Variants in AGRN observed in about 807,000 individuals in gnomAD.
AGRN encodes agrin proteoglycan.
A neutral mutation model predicts 211.0 loss-of-function variants in AGRN; 106 were observed. That is an observed-to-expected ratio of 0.50 (90% CI 0.43 to 0.59). AGRN has a LOEUF of 0.59. Ranked by LOEUF, AGRN falls within the 20% of genes least tolerant of loss-of-function variation. AGRN has a pLI of 0.00. For missense variants in AGRN, 3,040 were observed against 2,982.6 expected, an observed-to-expected ratio of 1.02 and a Z score of -0.45; for synonymous variants, 1,525 against 1,332.5, an observed-to-expected ratio of 1.14 and a Z score of -3.15.
intron 2 of AGRN, 88 bp downstream of exon 2, chr1:1,022,550 C>G: frequency 1.4e-6 from 2 of 1,459,590 alleles, no homozygotes; most frequent in Non-Finnish European, 1.9e-6. Context: ...GTGCGGGGTC[C>G]TTTCGTGCTG....
intron 2 of AGRN, among the ~76,000 whole-genome samples, chr1:1,023,623 G>C (rs1018703616): frequency 2.0e-5 from 3 of 152,190 alleles, no homozygotes; most frequent in Non-Finnish European, 4.4e-5. Flanking sequence ...AGAGGTTCCT[G>C]TCCCTGCAAG....
chr1:1,022,794 C>T (rs1417772678), intron 2 of AGRN, among the ~76,000 whole-genome samples: 2 of 152,378 alleles, frequency 1.3e-5, no homozygotes, highest in South Asian at 4.1e-4. Context: ...TGAATGTCCC[C>T]AGCTGTTCAA....
chr1:1,050,356 G>T (rs757734209), intron 28 of AGRN, 27 bp downstream of exon 28: 4 of 1,612,760 alleles, frequency 2.5e-6, no homozygotes, highest in Non-Finnish European at 3.4e-6. Context: ...CAGGGGGAAG[G>T]GCCGGCCCCC....
intron 30 of AGRN, 111 bp from the exon 31 acceptor site, chr1:1,051,142 C>A: frequency 7.2e-7 from 1 of 1,392,018 alleles, no homozygotes; most frequent in Non-Finnish European, 9.9e-7. Flanking sequence ...GTGATTAACG[C>A]TGCCCCCTAG....
In AGRN at chr1:1,051,119, C is replaced by T. The variant is rs1292261712; in HGVS notation, c.5254-134C>T. The T allele has an allele frequency of 7.8e-6, 12 of 1,532,656 alleles. No individual in the cohort carries two copies. In the East Asian group the frequency reaches 2.2e-4, roughly 28 times the overall value. 94.9% of individuals were successfully genotyped at this position (1,532,656 alleles called of 1,614,324 possible). A position where few individuals can be genotyped will look rare whatever the true frequency, so the allele number is the denominator to read the frequency against. ...GGTAGCTCCTCCCCCACTAAGGACC[C>T]TGCCATTTCTGTGTGATTAACGCTG... On this transcript the variant is annotated intron_variant, in intron 30 of 35. Coordinates refer to ENST00000379370, the MANE Select transcript of AGRN (RefSeq NM_198576.4).
intron 22 of AGRN, 56 bp from the exon 23 acceptor site, chr1:1,047,956 C>G: frequency 6.3e-7 from 1 of 1,578,044 alleles, no homozygotes; most frequent in Non-Finnish European, 8.6e-7. Context: ...GCCCCTGCCC[C>G]TCACCCCTTC....
chr1:1,051,328 G>A lies in AGRN; in HGVS notation c.5329G>A (p.Ala1777Thr), dbSNP rs750714327. 6.4e-7 allele frequency: 1 copy of A among 1,568,658 alleles called. No homozygotes were observed. Among genetic ancestry groups the A allele is most frequent in the Non-Finnish European group, 8.6e-7 (1 of 1,157,594 alleles). ...TCCCGACTTCAGCAAGCTGGCCCGT[G>A]CTGCTGCCGTGTCCTCTGGCTTCGA... The part of the protein sequence containing the change: ...GAPDFSKLAR[A>T]AAVSSGFDGA... Residue 1777 changes from alanine to threonine, a missense_variant, in exon 31 of 36, where the codon GCT becomes ACT. Around this residue, in one of 3 missense-constraint regions of AGRN, gnomAD observed 1,537 missense variants for 1,505.0 expected, o/e 1.02. Transcript: ENST00000379370.
rs369198471 is a variant in AGRN, at chr1:1,045,755, C to T, written c.2559C>T (p.Gly853=). ...AAGCCTGCAGCTGTGATCCCCAAGG[C>T]GCCGTGCGGGATGACTGTGAGCAGA... ...GCTPCSCDPQ[G]AVRDDCEQMT... Residue 853 remains glycine, a synonymous_variant, in exon 15 of 36, where the codon GGC becomes GGT. Coordinates refer to ENST00000379370, the MANE Select transcript of AGRN (RefSeq NM_198576.4). The T allele has an allele frequency of 6.2e-5, 100 of 1,613,314 alleles. No individual in the cohort carries two copies. The highest frequency in any genetic ancestry group is 1.6e-4 in the Middle Eastern group (1 of 6,084).
At chr1:1,030,141 GCA>G (rs1644627795) in intron 2 of AGRN, among the ~76,000 whole-genome samples, 1 of 43,474 alleles carries the variant, frequency 2.3e-5, no homozygotes, top group African/African-American at 8.5e-5. Context: ...TGTGAGATCA[GCA>G]TGTGTGTGTG....
rs1286541150 is a variant in AGRN at position 1,040,818 on chromosome 1, A to G, written c.665A>G (p.Glu222Gly). 1.3e-6 allele frequency: 2 copies of G among 1,537,044 alleles called. No individual in the cohort carries two copies. The highest frequency in any genetic ancestry group is 1.7e-6 in the Non-Finnish European group (2 of 1,147,590). Residue 222 changes from glutamate (E) to glycine (G), a missense_variant, in exon 4 of 36, where the codon GAG becomes GGG. By Grantham distance (98) the Glu-to-Gly change is moderately conservative. Transcript: ENST00000379370. Reference protein sequence around the residue: ...SDASTYSNECELQRAQCSQQR... With the variant: ...SDASTYSNECGLQRAQCSQQR... ...GCCTCCACCTACAGCAACGAATGCG[A>G]GCTGCAGCGGGCGCAGTGCAGCCAG...
Position 1,055,061 on chromosome 1 carries a change from C to T in AGRN, c.*80C>T, listed in dbSNP as rs1645418087. 1.3e-6 allele frequency: 2 copies of T among 1,531,286 alleles called. No homozygotes were observed. The highest frequency in any genetic ancestry group is 1.8e-6 in the Non-Finnish European group (2 of 1,142,418). 94.9% of individuals were successfully genotyped at this position (1,531,286 alleles called of 1,614,324 possible). A position where few individuals can be genotyped will look rare whatever the true frequency, so the allele number is the denominator to read the frequency against. On this transcript the variant is annotated 3_prime_UTR_variant, in exon 36 of 36. Transcript: ENST00000379370. Reference sequence around the variant, plus strand: ...TTGCTTTTTGATATGATTTTCTTGCCTGAGTGTTGGCCGGAGGGACTGCTG... The same window carrying T: ...TTGCTTTTTGATATGATTTTCTTGCTTGAGTGTTGGCCGGAGGGACTGCTG...
rs1644695152 is a variant in AGRN, at chr1:1,032,509, C to A, written c.464-2768C>A. Among the ~76,000 whole-genome samples the A allele has an allele frequency of 6.6e-6, 1 of 152,086 alleles. No individual in the cohort carries two copies. Among genetic ancestry groups the A allele is most frequent in the South Asian group, 2.1e-4 (1 of 4,826 alleles). On this transcript the variant is annotated intron_variant, in intron 2 of 35. Transcript: ENST00000379370. The surrounding 1 kb of genome is among the most constrained non-coding windows in gnomAD (Gnocchi z 4.7). ...GGGGTTGAGGGGCCCAGACACCCGGCTGGGGGACTCCAGGAAGGCAGCAGG... is the reference window on the plus strand; with the variant it reads ...GGGGTTGAGGGGCCCAGACACCCGGATGGGGGACTCCAGGAAGGCAGCAGG...
intron 33 of AGRN, chr1:1,053,430 T>C: frequency 7.1e-7 from 1 of 1,413,964 alleles, no homozygotes; most frequent in South Asian, 1.2e-5. Flanking sequence ...TGTCCCCTGC[T>C]CACCCGCCTC....
At position 1,048,122 on chromosome 1, in the gene AGRN, GC is replaced by G; in HGVS notation, c.3866del (p.Pro1289ArgfsTer138). On this transcript the variant is annotated frameshift_variant, in exon 23 of 36. Coordinates refer to ENST00000379370, the MANE Select transcript of AGRN (RefSeq NM_198576.4). LOFTEE classifies it high-confidence loss of function. This position sits in a 1 kb window ranked among gnomAD's most constrained non-coding sequence, Gnocchi z 5.9. ...RLPSSAVTPR[A>X]PHPSHTSQPV... Reference sequence around the variant, plus strand: ...GCCGTCCTCTGCTGTGACCCCTCGGGCCCCGCACCCCAGTCACACAAGCCAG... The same window carrying G: ...GCCGTCCTCTGCTGTGACCCCTCGGGCCCGCACCCCAGTCACACAAGCCAG... 1 of 1,568,912 alleles carries G rather than the reference GC, an allele frequency of 6.4e-7. No homozygotes were observed. The highest frequency in any genetic ancestry group is 8.6e-7 in the Non-Finnish European group (1 of 1,165,070).
chr1:1,043,145 C>T (rs1644991048), intron 7 of AGRN, 94 bp from the exon 8 acceptor site: 3 of 1,368,928 alleles, frequency 2.2e-6, no homozygotes, highest in African/African-American at 1.4e-5. Context: ...CCACCATCCC[C>T]TCCCTGGAAG....
chr1:1,033,438 G>C (rs945080396), intron 2 of AGRN, among the ~76,000 whole-genome samples: 1 of 151,376 alleles, frequency 6.6e-6, no homozygotes, highest in Non-Finnish European at 1.5e-5. Flanking sequence ...ACCCCCGCGG[G>C]TGCGGGGCGC....
Position 1,056,085 on chromosome 1 carries a change from T to C in AGRN, c.*1104T>C, listed in dbSNP as rs1645442711. The C allele has an allele frequency of 6.6e-6, 1 of 152,348 alleles. No individual in the cohort carries two copies. The highest frequency in any genetic ancestry group is 2.4e-5 in the African/African-American group (1 of 41,470). The allele number at this position is 152,348 out of a possible 1,614,324, so 9.4% of individuals were successfully genotyped here. A position where few individuals can be genotyped will look rare whatever the true frequency, so the allele number is the denominator to read the frequency against. On this transcript the variant is annotated 3_prime_UTR_variant, in exon 36 of 36. Coordinates refer to ENST00000379370, the MANE Select transcript of AGRN (RefSeq NM_198576.4). ...TAACTCTAGTATGTTTCTGTGTCAA[T>C]CGCTGTGAAATAAAGTCTGAAAACT...
chr1:1,027,380 C>T (rs1644543832), intron 2 of AGRN, among the ~76,000 whole-genome samples: 1 of 152,200 alleles, frequency 6.6e-6, no homozygotes, highest in South Asian at 2.1e-4. Flanking sequence ...TCAGCCCGGG[C>T]TGGTGCTGCA....
intron 2 of AGRN, among the ~76,000 whole-genome samples, chr1:1,033,484 TTCC>T (rs1420583211): frequency 1.4e-5 from 2 of 146,706 alleles, no homozygotes; most frequent in Admixed American, 6.7e-5. Context: ...CCCCAGGCGC[TTCC>T]TCCTCCCGCG....
Sources: gnomAD v4.1 joint callset for allele counts (sites outside exome capture counted in the v4.1 genomes callset) on GRCh38, gnomAD v4.1.1 for gene constraint, gnomAD v4.1.1 regional missense constraint, Gnocchi (gnomAD v3.1) non-coding constraint, MANE v1.5 for transcripts, NCBI Gene and HGNC (gene_info 2026-07-23, HGNC 2026-07-21) for gene names.